CAMK1D: variants seen among roughly 807,000 people sequenced by gnomAD.
CAMK1D encodes calcium/calmodulin-dependent protein kinase type 1D.
Under a neutral mutation model 47.7 loss-of-function variants are expected in CAMK1D, and 9 were observed. The observed-to-expected ratio is 0.19, with a 90% CI of 0.11 to 0.33. The LOEUF (loss-of-function observed/expected upper bound fraction) is 0.33, where lower values mean the gene tolerates loss of function less well. Ranked by LOEUF, CAMK1D falls within the 10% of genes least tolerant of loss-of-function variation. CAMK1D has a pLI of 1.00. For missense variants in CAMK1D, 291 were observed against 488.7 expected, an observed-to-expected ratio of 0.60 and a Z score of 3.81; for synonymous variants, 184 against 184.9, an observed-to-expected ratio of 0.99 and a Z score of 0.04.
chr10:12,500,454 G>A (rs777217313), intron 1 of CAMK1D, among the ~76,000 whole-genome samples: 1 of 152,168 alleles, frequency 6.6e-6, no homozygotes, highest in Non-Finnish European at 1.5e-5. Context: ...CTCTGGTGGT[G>A]TCAGGGAGCC....
At chr10:12,818,545 C>T (rs1423588808) in intron 8 of CAMK1D, among the ~76,000 whole-genome samples, 1 of 152,104 alleles carries the variant, frequency 6.6e-6, no homozygotes, top group African/African-American at 2.4e-5. Flanking sequence ...GTGGTGTGTG[C>T]CTGTAATCCC....
At chr10:12,610,326 A>C (rs769773277) in intron 2 of CAMK1D, among the ~76,000 whole-genome samples, 1 of 152,108 alleles carries the variant, frequency 6.6e-6, no homozygotes, top group Non-Finnish European at 1.5e-5. Context: ...TCATTTAAAC[A>C]GTGTGGTAAT....
intron 2 of CAMK1D, among the ~76,000 whole-genome samples, chr10:12,604,048 T>C (rs1838380609): frequency 6.6e-6 from 1 of 152,110 alleles, no homozygotes; most frequent in Admixed American, 6.5e-5. Context: ...GCCTGTGCCT[T>C]CTCTGGACTC....
chr10:12,812,897 A>G (rs1264729211), intron 6 of CAMK1D, among the ~76,000 whole-genome samples: 2 of 152,192 alleles, frequency 1.3e-5, no homozygotes, highest in Non-Finnish European at 2.9e-5. Flanking sequence ...TGGAAAAAAT[A>G]TTAGGGGTTT....
chr10:12,740,101 C>G (rs1195225621), intron 3 of CAMK1D, among the ~76,000 whole-genome samples: 1 of 152,214 alleles, frequency 6.6e-6, no homozygotes, highest in Non-Finnish European at 1.5e-5. Context: ...CACCTTCCTT[C>G]TGTGAATCTT....
At chr10:12,772,177 GGAAA>G (rs1381109122) in intron 5 of CAMK1D, among the ~76,000 whole-genome samples, 1 of 152,188 alleles carries the variant, frequency 6.6e-6, no homozygotes, top group Non-Finnish European at 1.5e-5. Context: ...GGTGACGGGA[GGAAA>G]GAGTGTGTGT....
In CAMK1D at chr10:12,389,135, T is replaced by G. The variant is rs896994572; in HGVS notation, c.92+39225T>G. ...TTAGAGAGAGGCTAATTATTTGGGT[T>G]TCTGGTGATTCCACCAGCTCCAGAT... On this transcript the variant is annotated intron_variant, in intron 1 of 10. Coordinates refer to ENST00000619168, the MANE Select transcript of CAMK1D (RefSeq NM_153498.4). Among the ~76,000 whole-genome samples the G allele has an allele frequency of 1.8e-4, 28 of 152,186 alleles. 1 individual carries two copies. Among genetic ancestry groups the G allele is most frequent in the African/African-American group, 5.6e-4 (23 of 41,436 alleles).
chr10:12,549,490 T>G (rs1172646923), intron 1 of CAMK1D, among the ~76,000 whole-genome samples: 1 of 152,210 alleles, frequency 6.6e-6, no homozygotes, highest in African/African-American at 2.4e-5. Context: ...GTGGCTGTTG[T>G]GAATAATGCC....
chr10:12,589,693 TA>T (rs1837939550), intron 2 of CAMK1D, among the ~76,000 whole-genome samples: 1 of 152,036 alleles, frequency 6.6e-6, no homozygotes, highest in Non-Finnish European at 1.5e-5. Context: ...TAGCTTCAGA[TA>T]GGGGTGGGCA....
intron 1 of CAMK1D, among the ~76,000 whole-genome samples, chr10:12,417,047 G>A (rs1453285294): frequency 2.0e-5 from 3 of 152,166 alleles, no homozygotes; most frequent in African/African-American, 7.2e-5. Flanking sequence ...GGTTCCTCAA[G>A]CCCCCGAAGC....
intron 1 of CAMK1D, among the ~76,000 whole-genome samples, chr10:12,536,970 C>T (rs1835992578): frequency 6.6e-6 from 1 of 152,170 alleles, no homozygotes; most frequent in Admixed American, 6.5e-5. Context: ...ATTTATATTC[C>T]TCTAGATAAA....
chr10:12,496,377 C>T (rs1480200897), intron 1 of CAMK1D, among the ~76,000 whole-genome samples: 1 of 152,160 alleles, frequency 6.6e-6, no homozygotes, highest in African/African-American at 2.4e-5. Context: ...TTCATGGCGT[C>T]TGGGACCCGG....
At chr10:12,792,291 TTTC>T (rs568318336) in intron 6 of CAMK1D, among the ~76,000 whole-genome samples, 367 of 117,674 alleles carry the variant, frequency 3.1e-3, no homozygotes, top group Admixed American at 4.5e-3. Flanking sequence ...ATCAGTTTTG[TTTC>T]TTATTTGTTT....
At chr10:12,492,911 C>A (rs1221203899) in intron 1 of CAMK1D, among the ~76,000 whole-genome samples, 1 of 152,176 alleles carries the variant, frequency 6.6e-6, no homozygotes, top group African/African-American at 2.4e-5. Context: ...ATCTTTGGGA[C>A]TGATTTTAAA....
intron 2 of CAMK1D, chr10:12,578,759 G>C (rs1837571714): frequency 6.5e-6 from 1 of 154,018 alleles, no homozygotes; most frequent in African/African-American, 2.4e-5. Flanking sequence ...CATTGCAGAG[G>C]TGAGTTGACC....
chr10:12,536,399 C>T lies in CAMK1D; in HGVS notation c.93-16826C>T, dbSNP rs189536932. Among the ~76,000 whole-genome samples the T allele has an allele frequency of 3.9e-4, 60 of 152,300 alleles. 1 individual carries two copies. The East Asian group carries it at 9.3e-3, about 24-fold the overall frequency. On this transcript the variant is annotated intron_variant, in intron 1 of 10. Transcript: ENST00000619168. ...GTTCAAGCCATTCTCCTACCTTAGCCTCCAGAGTAGCTGGGATTACAGGTG... is the reference window on the plus strand; with the variant it reads ...GTTCAAGCCATTCTCCTACCTTAGCTTCCAGAGTAGCTGGGATTACAGGTG...
At chr10:12,633,141 G>A (rs933026885) in intron 2 of CAMK1D, among the ~76,000 whole-genome samples, 4 of 152,220 alleles carry the variant, frequency 2.6e-5, no homozygotes, top group African/African-American at 9.6e-5. Flanking sequence ...TGGCGGAGAA[G>A]CCATGCGTTT....
intron 3 of CAMK1D, among the ~76,000 whole-genome samples, chr10:12,701,553 A>G (rs1289593610): frequency 6.6e-6 from 1 of 151,998 alleles, no homozygotes; most frequent in African/African-American, 2.4e-5. Context: ...TTTCAGTTCG[A>G]TTTTGTTTAA....
intron 3 of CAMK1D, among the ~76,000 whole-genome samples, chr10:12,751,031 T>G (rs947833239): frequency 6.6e-6 from 1 of 151,194 alleles, no homozygotes; most frequent in African/African-American, 2.4e-5. Context: ...CCAGCCTGGG[T>G]GACGGAGCCC....
Sources: allele counts gnomAD v4.1 joint callset (sites outside exome capture counted in the v4.1 genomes callset), GRCh38; gene constraint gnomAD v4.1.1; transcripts MANE v1.5; gene names NCBI Gene and HGNC (gene_info 2026-07-23, HGNC 2026-07-21).